Variants in CNTN5 observed in about 807,000 individuals in gnomAD.
CNTN5 encodes contactin-5.
A neutral mutation model predicts 129.1 loss-of-function variants in CNTN5; 77 were observed. The ratio of observed to expected loss-of-function variants is 0.60; its 90% CI spans 0.50 to 0.72. The LOEUF (loss-of-function observed/expected upper bound fraction) is 0.72, where lower values mean the gene tolerates loss of function less well. Among genes scored for constraint, CNTN5 ranks in the 30% least tolerant of loss-of-function variants. The pLI, the probability that CNTN5 is intolerant of heterozygous loss-of-function variation, is 0.00. For missense variants in CNTN5, 1,478 were observed against 1,328.8 expected (o/e 1.11, Z -1.75); for synonymous variants, 509 against 465.6 (o/e 1.09, Z -1.20).
chr11:99,808,660 C>T (rs564586083), intron 3 of CNTN5, among the ~76,000 whole-genome samples: 12 of 152,260 alleles, frequency 7.9e-5, no homozygotes, highest in South Asian at 2.1e-4. Flanking sequence ...AACTTTTTCA[C>T]GTGCTGGGTA....
intron 8 of CNTN5, among the ~76,000 whole-genome samples, chr11:99,972,865 C>T (rs889966510): frequency 6.6e-5 from 10 of 152,212 alleles, no homozygotes; most frequent in African/African-American, 2.2e-4. Flanking sequence ...TCTGCATTTT[C>T]CACAGTACTC....
intron 2 of CNTN5, among the ~76,000 whole-genome samples, chr11:99,430,906 C>T (rs1943339169): frequency 6.6e-6 from 1 of 151,776 alleles, no homozygotes; most frequent in Non-Finnish European, 1.5e-5. Flanking sequence ...GGAAGAAAAA[C>T]TGGAGGTAGC....
chr11:99,307,310 C>T (rs977593063), intron 1 of CNTN5, among the ~76,000 whole-genome samples: 1 of 151,842 alleles, frequency 6.6e-6, no homozygotes, highest in Non-Finnish European at 1.5e-5. Flanking sequence ...TTTCATGGTG[C>T]TTTTCTTTCT....
rs568004763 is a variant in CNTN5, at chr11:99,402,362, T to G, written c.-71+76878T>G. 2.0e-5 allele frequency among the ~76,000 whole-genome samples: 3 copies of G among 152,320 alleles called. No homozygotes were observed. The South Asian group carries it at 6.2e-4, about 32-fold the overall frequency. On this transcript the variant is annotated intron_variant, in intron 2 of 24. Coordinates refer to ENST00000524871, the MANE Select transcript of CNTN5 (RefSeq NM_014361.4). Reference sequence around the variant, plus strand: ...TTTGTCCTACATTCTGTTGATCTGATGTATTACATTGATTAATTTGCATAT... The same window carrying G: ...TTTGTCCTACATTCTGTTGATCTGAGGTATTACATTGATTAATTTGCATAT...
intron 3 of CNTN5, among the ~76,000 whole-genome samples, chr11:99,678,499 A>G (rs1953400085): frequency 6.6e-6 from 1 of 152,148 alleles, no homozygotes; most frequent in African/African-American, 2.4e-5. Flanking sequence ...AAACATATGT[A>G]ATCAAGAAAG....
At chr11:99,672,593 A>C (rs1953092512) in intron 3 of CNTN5, among the ~76,000 whole-genome samples, 1 of 151,018 alleles carries the variant, frequency 6.6e-6, no homozygotes, top group Non-Finnish European at 1.5e-5. Context: ...TCACATTTCT[A>C]TTAGGAACTG....
At chr11:99,104,644 GTA>G (rs1000294075) in intron 1 of CNTN5, among the ~76,000 whole-genome samples, 1 of 142,752 alleles carries the variant, frequency 7.0e-6, no homozygotes, top group Non-Finnish European at 1.6e-5. Context: ...ACACACACGT[GTA>G]TATATATATA....
chr11:99,904,759 C>T (rs969332505), intron 6 of CNTN5, among the ~76,000 whole-genome samples: 1 of 152,198 alleles, frequency 6.6e-6, no homozygotes, highest in Non-Finnish European at 1.5e-5. Context: ...CTCCCACCAA[C>T]AGTGTAAAAG....
At chr11:100,289,522 C>A (rs994970762) in intron 18 of CNTN5, among the ~76,000 whole-genome samples, 31 of 152,076 alleles carry the variant, frequency 2.0e-4, no homozygotes, top group Admixed American at 6.5e-4. Flanking sequence ...ATGATTATCT[C>A]AATAGCAGCA....
chr11:100,345,754 G>A (rs1952265136), intron 23 of CNTN5, among the ~76,000 whole-genome samples: 1 of 152,026 alleles, frequency 6.6e-6, no homozygotes, highest in South Asian at 2.1e-4. Context: ...ACTTTCCACT[G>A]ATTTTTTTTT....
chr11:99,575,125 T>C (rs1477096413), intron 3 of CNTN5, among the ~76,000 whole-genome samples: 1 of 152,198 alleles, frequency 6.6e-6, no homozygotes. Flanking sequence ...TATCTTTTAT[T>C]ATAAAGTCTC....
intron 1 of CNTN5, among the ~76,000 whole-genome samples, chr11:99,103,335 C>A (rs1427021631): frequency 6.6e-6 from 1 of 152,160 alleles, no homozygotes; most frequent in East Asian, 1.9e-4. Flanking sequence ...AGCACAGCAC[C>A]AAGGTGGTAG....
chr11:99,407,674 A>T (rs1942141136), intron 2 of CNTN5, among the ~76,000 whole-genome samples: 1 of 152,058 alleles, frequency 6.6e-6, no homozygotes, highest in African/African-American at 2.4e-5. Context: ...CTGCCTTTCA[A>T]GGTTATCTGG....
intron 15 of CNTN5, among the ~76,000 whole-genome samples, chr11:100,223,471 A>G (rs7926455): frequency 0.11 from 16,167 of 152,182 alleles, 1,039 homozygotes; most frequent in African/African-American, 0.18. Context: ...AATTCAAAAG[A>G]TATCTGGAAA....
intron 2 of CNTN5, among the ~76,000 whole-genome samples, chr11:99,427,714 T>C (rs1943189122): frequency 1.6e-5 from 2 of 127,216 alleles, no homozygotes; most frequent in South Asian, 4.6e-4. Flanking sequence ...TGCAGTGAGA[T>C]GAGATCCTGT....
intron 3 of CNTN5, among the ~76,000 whole-genome samples, chr11:99,727,687 G>A (rs1439333930): frequency 1.3e-5 from 2 of 152,044 alleles, no homozygotes; most frequent in Non-Finnish European, 2.9e-5. Context: ...AAAAAATGAA[G>A]AGATATATGG....
chr11:99,556,250 A>G lies in CNTN5; in HGVS notation c.36A>G (p.Ser12=), dbSNP rs1948659790. 1.3e-6 allele frequency: 2 copies of G among 1,530,136 alleles called. No individual in the cohort carries two copies. The highest frequency in any genetic ancestry group is 2.5e-5 in the East Asian group (1 of 40,714). 94.8% of individuals were successfully genotyped at this position (1,530,136 alleles called of 1,614,324 possible). The change falls in exon 3 of 25, where the codon TCA becomes TCG. Residue 12 remains serine, a synonymous_variant. Transcript: ENST00000524871. ...CTTGGAAACTAATGCTGTTTCTGTC[A>G]GTCACCATGTGTCTTTCAGGTAAAA... ...ASSWKLMLFL[S]VTMCLSEYSK...
chr11:99,672,011 A>G (rs983190072), intron 3 of CNTN5, among the ~76,000 whole-genome samples: 1 of 152,168 alleles, frequency 6.6e-6, no homozygotes, highest in Non-Finnish European at 1.5e-5. Context: ...GTGCTGTGTC[A>G]TCATCTCCTT....
chr11:99,242,587 AG>A (rs1323134966), intron 1 of CNTN5, among the ~76,000 whole-genome samples: 4 of 152,064 alleles, frequency 2.6e-5, no homozygotes, highest in Non-Finnish European at 5.9e-5. Context: ...TCTGTCACAC[AG>A]GTACTAAGCA....
Sources: gnomAD v4.1 joint callset for allele counts (sites outside exome capture counted in the v4.1 genomes callset) on GRCh38, gnomAD v4.1.1 for gene constraint, MANE v1.5 for transcripts, NCBI Gene and HGNC (gene_info 2026-07-23, HGNC 2026-07-21) for gene names.